POU6F2: variants seen among roughly 807,000 people sequenced by gnomAD.
POU6F2 encodes POU domain, class 6, transcription factor 2.
POU6F2 carries 31 observed loss-of-function variants against 71.3 expected under a neutral mutation model. The ratio of observed to expected loss-of-function variants is 0.43; its 90% confidence interval spans 0.33 to 0.59. The LOEUF (loss-of-function observed/expected upper bound fraction) is 0.59, where lower values mean the gene tolerates loss of function less well. Ranked by LOEUF, POU6F2 falls within the 20% of genes least tolerant of loss-of-function variation. The pLI is 0.04. For missense variants in POU6F2, 783 were observed against 856.8 expected (o/e 0.91, Z 1.07); for synonymous variants, 347 against 355.7 (o/e 0.98, Z 0.27).
At chr7:39,020,104 C>A (rs1407964829) in intron 1 of POU6F2, among the ~76,000 whole-genome samples, 1 of 152,106 alleles carries the variant, frequency 6.6e-6, no homozygotes, top group Non-Finnish European at 1.5e-5. Context: ...GTGCACCCTC[C>A]CAGACCCCCC....
intron 1 of POU6F2, among the ~76,000 whole-genome samples, chr7:39,026,677 C>A (rs1271062463): frequency 5.0e-4 from 76 of 152,096 alleles, no homozygotes; most frequent in Non-Finnish European, 2.1e-4. Flanking sequence ...GTGCAGCACA[C>A]CAGCATGGCA....
At chr7:39,352,260 G>T (rs376026686) in intron 5 of POU6F2, among the ~76,000 whole-genome samples, 1 of 152,192 alleles carries the variant, frequency 6.6e-6, no homozygotes. Context: ...CCTGTGAGAA[G>T]TCAGAGGGTC....
At chr7:39,234,238 G>T (rs1188490052) in intron 4 of POU6F2, among the ~76,000 whole-genome samples, 1 of 152,110 alleles carries the variant, frequency 6.6e-6, no homozygotes, top group East Asian at 1.9e-4. Context: ...GGAAAAAAAG[G>T]ACTCTGAATG....
At chr7:39,229,152 G>C (rs1002860589) in intron 4 of POU6F2, among the ~76,000 whole-genome samples, 4 of 152,210 alleles carry the variant, frequency 2.6e-5, no homozygotes, top group African/African-American at 9.6e-5. Flanking sequence ...GATGGCTCTG[G>C]TTAGAAAACA....
chr7:39,238,154 C>A (rs929848093), intron 4 of POU6F2, among the ~76,000 whole-genome samples: 1 of 152,182 alleles, frequency 6.6e-6, no homozygotes, highest in African/African-American at 2.4e-5. Flanking sequence ...GGATTCAAAT[C>A]ACCAGTTACA....
chr7:39,346,647 T>C (rs923301241), intron 5 of POU6F2, among the ~76,000 whole-genome samples: 3 of 152,244 alleles, frequency 2.0e-5, no homozygotes, highest in African/African-American at 4.8e-5. Flanking sequence ...TGTGCATAGA[T>C]GCAGGGTCTA....
At chr7:39,261,764 T>C (rs954495203) in intron 4 of POU6F2, among the ~76,000 whole-genome samples, 3 of 152,256 alleles carry the variant, frequency 2.0e-5, no homozygotes, top group African/African-American at 7.2e-5. Flanking sequence ...ATTTGTTTTC[T>C]ACTATGTTGT....
At chr7:39,255,687 G>A (rs966238872) in intron 4 of POU6F2, among the ~76,000 whole-genome samples, 20 of 152,180 alleles carry the variant, frequency 1.3e-4, no homozygotes, top group Non-Finnish European at 2.5e-4. Context: ...ATCATAAGCC[G>A]TCTAACTTTA....
At chr7:39,064,184 G>C (rs1475053405) in intron 1 of POU6F2, among the ~76,000 whole-genome samples, 1 of 151,852 alleles carries the variant, frequency 6.6e-6, no homozygotes, top group African/African-American at 2.4e-5. Context: ...ACATTTTAGA[G>C]TATAAAATAT....
chr7:39,167,887 TTTTTGGCTTTTAGG>T lies in POU6F2; in HGVS notation c.278-36336_278-36323del, dbSNP rs1470113799. 5.9e-5 allele frequency among the ~76,000 whole-genome samples: 9 copies of T among 152,144 alleles called. No individual in the cohort carries two copies. In the South Asian group the frequency reaches 1.7e-3, roughly 28 times the overall value. On this transcript the variant is annotated intron_variant, in intron 2 of 9. Transcript: ENST00000518318. The stretch of plus-strand genomic sequence containing the variant: ...TATACAGTCACATATGTTATACTTA[TTTTTGGCTTTTAGG>T]TTTTGGCTTTTGTGTTATGTTAAGT...
chr7:39,231,360 G>A (rs1018321940), intron 4 of POU6F2, among the ~76,000 whole-genome samples: 2 of 152,096 alleles, frequency 1.3e-5, no homozygotes, highest in African/African-American at 2.4e-5. Flanking sequence ...CAGGAAAACA[G>A]CAATGATAAT....
chr7:39,101,487 C>T (rs1477008132), intron 2 of POU6F2, among the ~76,000 whole-genome samples: 1 of 149,948 alleles, frequency 6.7e-6, no homozygotes, highest in Non-Finnish European at 1.5e-5. Flanking sequence ...TTATATGTTC[C>T]ATGGTGGTTC....
chr7:39,014,177 C>G (rs1437519344), intron 1 of POU6F2, among the ~76,000 whole-genome samples: 1 of 152,156 alleles, frequency 6.6e-6, no homozygotes, highest in Non-Finnish European at 1.5e-5. Context: ...TTGGGAGTGT[C>G]TTTGAGTAGT....
At chr7:39,405,506 A>G (rs2115890811) in intron 5 of POU6F2, among the ~76,000 whole-genome samples, 1 of 152,314 alleles carries the variant, frequency 6.6e-6, no homozygotes, top group South Asian at 2.1e-4. Flanking sequence ...TGGATGTGGG[A>G]ACTGGTGATG....
intron 1 of POU6F2, among the ~76,000 whole-genome samples, chr7:39,023,044 G>A (rs1789713978): frequency 6.6e-6 from 1 of 151,988 alleles, no homozygotes; most frequent in South Asian, 2.1e-4. Context: ...TCTCGTAGGT[G>A]GGTAGTGGTA....
chr7:39,010,898 A>G (rs1156285031), intron 1 of POU6F2, among the ~76,000 whole-genome samples: 1 of 151,808 alleles, frequency 6.6e-6, no homozygotes, highest in Non-Finnish European at 1.5e-5. Context: ...ATAGTTTGTT[A>G]TAATCTCTGT....
chr7:39,385,216 A>G (rs1191608451), intron 5 of POU6F2, among the ~76,000 whole-genome samples: 1 of 152,250 alleles, frequency 6.6e-6, no homozygotes, highest in Non-Finnish European at 1.5e-5. Context: ...AGAAAATGAG[A>G]CACAGTAAGT....
chr7:39,350,673 T>A (rs1279877436), intron 5 of POU6F2, among the ~76,000 whole-genome samples: 1 of 152,214 alleles, frequency 6.6e-6, no homozygotes, highest in Non-Finnish European at 1.5e-5. Flanking sequence ...TTGACACATC[T>A]TCAAGGCACA....
At chr7:39,320,326 C>T (rs1301385629) in intron 4 of POU6F2, among the ~76,000 whole-genome samples, 1 of 152,164 alleles carries the variant, frequency 6.6e-6, no homozygotes, top group Non-Finnish European at 1.5e-5. Context: ...GCCCTTCACC[C>T]GGACCTGTAG....
Sources: allele counts gnomAD v4.1 joint callset (sites outside exome capture counted in the v4.1 genomes callset), GRCh38; gene constraint gnomAD v4.1.1; transcripts MANE v1.5; gene names NCBI Gene and HGNC (gene_info 2026-07-23, HGNC 2026-07-21).